The following SRBD1 variants were observed in gnomAD, a reference collection of about 807,000 sequenced individuals.
SRBD1 encodes S1 RNA binding domain 1, also known as S1 RNA-binding domain-containing protein 1.
A neutral mutation model predicts 115.3 loss-of-function variants in SRBD1; 88 were observed. The observed-to-expected ratio is 0.76, with a 90% CI of 0.64 to 0.91. The LOEUF is 0.91. Ranked by LOEUF, SRBD1 falls within the 40% of genes least tolerant of loss-of-function variation. The probability of loss-of-function intolerance (pLI) is 0.00; values close to 1 mark genes in which losing one functional copy is unlikely to be tolerated. For synonymous variants in SRBD1, 509 were observed against 407.7 expected (o/e 1.25, Z -2.99); for missense variants, 1,385 against 1,177.4 (o/e 1.18, Z -2.58).
At chr2:45,568,508 C>T (rs1207233610) in intron 9 of SRBD1, among the ~76,000 whole-genome samples, 1 of 152,128 alleles carries the variant, frequency 6.6e-6, no homozygotes, top group Admixed American at 6.5e-5. Context: ...CTAAAAAGTT[C>T]GTAAAACAGC....
intron 16 of SRBD1, among the ~76,000 whole-genome samples, chr2:45,428,322 G>A (rs559217546): frequency 3.3e-5 from 5 of 152,158 alleles, no homozygotes; most frequent in East Asian, 1.9e-4. Context: ...AGGCCGAGGC[G>A]GGCGGATCAC....
intron 16 of SRBD1, among the ~76,000 whole-genome samples, chr2:45,446,071 G>C (rs1454505633): frequency 6.6e-6 from 1 of 152,186 alleles, no homozygotes; most frequent in African/African-American, 2.4e-5. Context: ...CTCTAGAGAG[G>C]TCTGACTTGG....
At chr2:45,483,939 A>T (rs1670040437) in intron 15 of SRBD1, among the ~76,000 whole-genome samples, 1 of 152,138 alleles carries the variant, frequency 6.6e-6, no homozygotes, top group Non-Finnish European at 1.5e-5. Context: ...ATGGAGGTAG[A>T]CTGAAGGTTA....
At chr2:45,411,866 T>C (rs1667613050) in intron 19 of SRBD1, among the ~76,000 whole-genome samples, 1 of 152,176 alleles carries the variant, frequency 6.6e-6, no homozygotes, top group Admixed American at 6.5e-5. Flanking sequence ...ATCCCAGCTC[T>C]TTGGGAGGCC....
Position 45,512,415 on chromosome 2 carries a change from G to T in SRBD1, c.1875-24084C>A, listed in dbSNP as rs192547784. Among the ~76,000 whole-genome samples the T allele has an allele frequency of 2.2e-3, 330 of 152,228 alleles. 2 individuals are homozygous for T. Among genetic ancestry groups the T allele is most frequent in the Non-Finnish European group, 3.1e-3 (213 of 68,004 alleles). ...ATACGCATCACTTACCCAATGAAAA[G>T]AAAAACTGAATCTATGAAGGATAAT... On this transcript the variant is annotated intron_variant, in intron 14 of 20. Transcript: ENST00000263736.
chr2:45,602,037 G>T lies in SRBD1; in HGVS notation c.127C>A (p.Pro43Thr), dbSNP rs764027857. ...EDDKEDSAWE[P>T]QKKVPRSRKQ... ...CGGCTTCTGGGAACTTTCTTTTGGG[G>T]CTCCCAGGCACTATCTTCCTTGTCA... The change falls in exon 3 of 21, where the codon CCC becomes ACC. Residue 43 changes from proline (P) to threonine (T), a missense_variant. Pro to Thr is a conservative substitution (Grantham distance 38). Coordinates refer to ENST00000263736, the MANE Select transcript of SRBD1 (RefSeq NM_018079.5). 1.2e-6 allele frequency: 2 copies of T among 1,613,944 alleles called. No individual in the cohort carries two copies. Among genetic ancestry groups the T allele is most frequent in the Non-Finnish European group, 8.5e-7 (1 of 1,180,004 alleles).
At chr2:45,433,781 T>C (rs761446249) in intron 16 of SRBD1, among the ~76,000 whole-genome samples, 4 of 152,242 alleles carry the variant, frequency 2.6e-5, no homozygotes, top group South Asian at 2.1e-4. Flanking sequence ...GACAAGTACA[T>C]AGAACAAATA....
chr2:45,499,923 T>C (rs746353031), intron 14 of SRBD1, among the ~76,000 whole-genome samples: 2 of 152,162 alleles, frequency 1.3e-5, no homozygotes, highest in African/African-American at 2.4e-5. Flanking sequence ...TGAAATCAGG[T>C]AGTGTGATGC....
intron 19 of SRBD1, among the ~76,000 whole-genome samples, chr2:45,406,242 G>A (rs1391635098): frequency 1.3e-5 from 2 of 152,130 alleles, no homozygotes; most frequent in African/African-American, 4.8e-5. Context: ...GAGGAGCAGT[G>A]TAGGGAAGGA....
intron 5 of SRBD1, among the ~76,000 whole-genome samples, chr2:45,584,713 G>A (rs944487027): frequency 2.0e-5 from 3 of 152,100 alleles, no homozygotes; most frequent in Non-Finnish European, 4.4e-5. Flanking sequence ...CGAATAATAT[G>A]GTCAGTCTTG....
At chr2:45,471,804 T>A (rs761555233) in intron 16 of SRBD1, among the ~76,000 whole-genome samples, 4 of 152,138 alleles carry the variant, frequency 2.6e-5, no homozygotes, top group Non-Finnish European at 5.9e-5. Context: ...TTACATATTT[T>A]ATGTAAATGT....
chr2:45,464,342 G>A (rs1470950136), intron 16 of SRBD1, among the ~76,000 whole-genome samples: 1 of 152,174 alleles, frequency 6.6e-6, no homozygotes, highest in Non-Finnish European at 1.5e-5. Flanking sequence ...AGGTATGCAA[G>A]ATAGCTCTCT....
At chr2:45,485,521 T>C (rs1438435832) in intron 15 of SRBD1, among the ~76,000 whole-genome samples, 1 of 152,132 alleles carries the variant, frequency 6.6e-6, no homozygotes, top group African/African-American at 2.4e-5. Context: ...TAATAGACAG[T>C]TTAATATCAT....
chr2:45,546,743 A>C lies in SRBD1; in HGVS notation c.1863T>G (p.Asp621Glu). 6.2e-7 allele frequency: 1 copy of C among 1,614,050 alleles called. No individual in the cohort carries two copies. Among genetic ancestry groups the C allele is most frequent in the Non-Finnish European group, 8.5e-7 (1 of 1,179,928 alleles). ...LIMKNYFAPL[D>E]VVYCIVSEAG... is the part of the protein sequence containing the mutation. ...TGTAATAGCCTTACCAGTAAACAAC[A>C]TCCAGTGGTGCAAAATAATTCTTCA... Residue 621 changes from aspartate (D) to glutamate (E), a missense_variant, in exon 14 of 21, where the codon GAT becomes GAG. Asp to Glu is a conservative substitution (Grantham distance 45). Transcript: ENST00000263736.
At chr2:45,414,247 A>T (rs1008215885) in intron 18 of SRBD1, among the ~76,000 whole-genome samples, 1 of 152,196 alleles carries the variant, frequency 6.6e-6, no homozygotes, top group African/African-American at 2.4e-5. Context: ...ACTTAAGTAT[A>T]ACCCATACCA....
chr2:45,504,589 T>C (rs1670741162), intron 14 of SRBD1, among the ~76,000 whole-genome samples: 1 of 152,224 alleles, frequency 6.6e-6, no homozygotes. Flanking sequence ...AAAATAATAA[T>C]AGTTTTTTAA....
Position 45,579,874 on chromosome 2 carries a change from C to A in SRBD1, c.1072+1G>T, listed in dbSNP as rs1468030763. On this transcript the variant is annotated splice_donor_variant, in intron 7 of 20. Transcript: ENST00000263736. LOFTEE classifies it high-confidence loss of function. The stretch of plus-strand genomic sequence containing the variant: ...TTGATCTCTGTAAATAAAGCCAGTA[C>A]CTTTAACGTCAGGCCTAATGTACGA... The A allele has an allele frequency of 6.4e-7, 1 of 1,563,792 alleles. No individual in the cohort carries two copies. Among genetic ancestry groups the A allele is most frequent in the Non-Finnish European group, 8.6e-7 (1 of 1,161,838 alleles).
At chr2:45,492,853 C>G (rs17322265) in intron 14 of SRBD1, among the ~76,000 whole-genome samples, 1 of 151,944 alleles carries the variant, frequency 6.6e-6, no homozygotes, top group Non-Finnish European at 1.5e-5. Context: ...ATGAAAATAA[C>G]TTGGTTTTTC....
At position 45,573,249 on chromosome 2, in the gene SRBD1, G is replaced by A. The variant is rs754797922; in HGVS notation, c.1263C>T (p.Tyr421=). Reference sequence around the variant, plus strand: ...TTCTTATGTTGCAGGAAAAATGCTGGTAGAGCAGAAACTTATCAACATCTT... The same window carrying A: ...TTCTTATGTTGCAGGAAAAATGCTGATAGAGCAGAAACTTATCAACATCTT... ...NEKDVDKFLL[Y]QHFSCNIRNI... is the part of the protein sequence containing the mutation. The change falls in exon 9 of 21, where the codon TAC becomes TAT. Residue 421 remains tyrosine, a synonymous_variant. Transcript: ENST00000263736. 3.1e-6 allele frequency: 5 copies of A among 1,611,206 alleles called. No homozygotes were observed. Among genetic ancestry groups the A allele is most frequent in the South Asian group, 1.1e-5 (1 of 90,452 alleles).
Sources: allele counts gnomAD v4.1 joint callset (sites outside exome capture counted in the v4.1 genomes callset), GRCh38; gene constraint gnomAD v4.1.1; transcripts MANE v1.5; gene names NCBI Gene and HGNC (gene_info 2026-07-23, HGNC 2026-07-21).